Variants in LRRK1 observed in about 807,000 individuals in gnomAD.
LRRK1 encodes leucine rich repeat kinase 1, also known as leucine-rich repeat serine/threonine-protein kinase 1.
In LRRK1, 113 loss-of-function variants were observed where a neutral mutation model predicts 209.1. The ratio of observed to expected loss-of-function variants is 0.54; its 90% confidence interval spans 0.46 to 0.63. LRRK1 has a LOEUF of 0.63. Ranked by LOEUF, LRRK1 falls within the 30% of genes least tolerant of loss-of-function variation. LRRK1 has a pLI of 0.00. For missense variants in LRRK1, 2,284 were observed against 2,632.2 expected, an observed-to-expected ratio of 0.87 and a Z score of 2.89; for synonymous variants, 1,144 against 1,099.7, an observed-to-expected ratio of 1.04 and a Z score of -0.80.
intron 20 of LRRK1, among the ~76,000 whole-genome samples, chr15:101,038,229 G>T (rs902126178): frequency 2.0e-5 from 3 of 152,100 alleles, no homozygotes; most frequent in Admixed American, 1.3e-4. Flanking sequence ...GAAAGGGTGG[G>T]AGGGGATGAG....
chr15:101,068,356 G>C (rs929052052), intron 33 of LRRK1, among the ~76,000 whole-genome samples: 2 of 152,132 alleles, frequency 1.3e-5, no homozygotes, highest in Admixed American at 6.5e-5. Context: ...TTTTCTGGAC[G>C]CTTTGGGAGC....
intron 4 of LRRK1, among the ~76,000 whole-genome samples, chr15:100,985,196 G>A (rs2031804973): frequency 6.6e-6 from 1 of 152,112 alleles, no homozygotes; most frequent in Admixed American, 6.5e-5. Context: ...TAGGGCCCAT[G>A]AGAAGCATAC....
chr15:100,973,418 C>T (rs1236593514), intron 2 of LRRK1, among the ~76,000 whole-genome samples: 2 of 152,212 alleles, frequency 1.3e-5, no homozygotes, highest in Admixed American at 6.5e-5. Flanking sequence ...GTCTTTCCCC[C>T]GTGGGCACCG....
At chr15:101,054,907 G>T in intron 26 of LRRK1, 39 bp from the exon 27 acceptor site, 1 of 1,520,218 alleles carries the variant, frequency 6.6e-7, no homozygotes, top group Non-Finnish European at 8.9e-7. Flanking sequence ...TATCAAAACT[G>T]AAATTTTGAT....
Position 101,073,913 on chromosome 15 carries a change from T to C in LRRK1, c.*5065T>C, listed in dbSNP as rs2141176046. On this transcript the variant is annotated 3_prime_UTR_variant, in exon 34 of 34. Coordinates refer to ENST00000388948, the MANE Select transcript of LRRK1 (RefSeq NM_024652.6). ...CTAAATGCCTTATTTTCTTCTGCAA[T>C]GCCGCTTGACCCCAATACAAACTCA... The C allele has an allele frequency of 6.6e-6, 1 of 152,286 alleles. No homozygotes were observed. The highest frequency in any genetic ancestry group is 1.5e-5 in the Non-Finnish European group (1 of 68,020). The allele number at this position is 152,286 out of a possible 1,614,324, so 9.4% of individuals were successfully genotyped here. A position where few individuals can be genotyped will look rare whatever the true frequency, so the allele number is the denominator to read the frequency against.
intron 1 of LRRK1, among the ~76,000 whole-genome samples, chr15:100,922,007 C>A (rs1263144164): frequency 6.6e-6 from 1 of 152,170 alleles, no homozygotes; most frequent in African/African-American, 2.4e-5. Flanking sequence ...CGTGAACCAC[C>A]GCACCCATCT....
chr15:100,963,087 T>A (rs1034742345), intron 2 of LRRK1, among the ~76,000 whole-genome samples: 6 of 151,506 alleles, frequency 4.0e-5, no homozygotes, highest in Non-Finnish European at 8.8e-5. Context: ...CCTCCCAAAG[T>A]GCTGGGATTA....
chr15:101,001,191 T>G (rs565898737), intron 6 of LRRK1, among the ~76,000 whole-genome samples: 1 of 152,332 alleles, frequency 6.6e-6, no homozygotes, highest in Non-Finnish European at 1.5e-5. Flanking sequence ...TTTCCAGTTC[T>G]CTGTCACTGA....
chr15:101,025,607 T>G (rs1311514956), intron 16 of LRRK1, among the ~76,000 whole-genome samples: 1 of 152,100 alleles, frequency 6.6e-6, no homozygotes. Flanking sequence ...GCATGTCACA[T>G]AGTGAGAGAG....
chr15:101,076,477 C>T lies in LRRK1; in HGVS notation c.*7629C>T, dbSNP rs1179954451. 6.6e-6 allele frequency: 1 copy of T among 152,074 alleles called. No homozygotes were observed. Among genetic ancestry groups the T allele is most frequent in the African/African-American group, 2.4e-5 (1 of 41,326 alleles). The allele number at this position is 152,074 out of a possible 1,614,324, so 9.4% of individuals were successfully genotyped here. The stretch of plus-strand genomic sequence containing the variant: ...TCCACCTGACGTTCACCCCATTTCC[C>T]CACATTTCCTTCTTCCCTGCTTCTC... On this transcript the variant is annotated 3_prime_UTR_variant, in exon 34 of 34. Coordinates refer to ENST00000388948, the MANE Select transcript of LRRK1 (RefSeq NM_024652.6).
chr15:101,022,094 T>C lies in LRRK1; in HGVS notation c.1852+137T>C. On this transcript the variant is annotated intron_variant, in intron 14 of 33. Transcript: ENST00000388948. This position sits in a 1 kb window ranked among gnomAD's most constrained non-coding sequence, Gnocchi z 4.0. ...AGGTTCCAGATTTGACAAGATGCTA[T>C]AAAATTGTCCCTAAAGCAATCGTTA... is the stretch of plus-strand genomic sequence containing the variant. 1.5e-6 allele frequency: 1 copy of C among 668,202 alleles called. No individual in the cohort carries two copies. Among genetic ancestry groups the C allele is most frequent in the Admixed American group, 2.9e-5 (1 of 34,926 alleles). 41.4% of individuals were successfully genotyped at this position (668,202 alleles called of 1,614,324 possible).
intron 31 of LRRK1, 67 bp downstream of exon 31, chr15:101,062,757 A>AG: frequency 1.7e-6 from 2 of 1,181,804 alleles, no homozygotes; most frequent in Non-Finnish European, 1.3e-6. Flanking sequence ...GGCGTCTCCT[A>AG]GCTATGTCAG....
At chr15:100,933,841 A>G (rs1369025005) in intron 2 of LRRK1, among the ~76,000 whole-genome samples, 1 of 149,248 alleles carries the variant, frequency 6.7e-6, no homozygotes, top group Admixed American at 6.6e-5. Context: ...AAAAAAAAAA[A>G]AAAAAAAAAA....
chr15:101,026,240 G>A (rs2034027051), intron 17 of LRRK1, 103 bp downstream of exon 17: 2 of 1,235,630 alleles, frequency 1.6e-6, no homozygotes, highest in Non-Finnish European at 2.3e-6. Context: ...GGTGGGGCTA[G>A]GCCCCTTTCC....
At position 101,066,055 on chromosome 15, in the gene LRRK1, C is replaced by T; in HGVS notation, c.5618C>T (p.Thr1873Ile). The T allele has an allele frequency of 6.2e-7, 1 of 1,614,188 alleles. No individual in the cohort carries two copies. Among genetic ancestry groups the T allele is most frequent in the Non-Finnish European group, 8.5e-7 (1 of 1,180,042 alleles). ...AGTTCTTCCAGTGTGCCTTTCTCCA[C>T]CGACTGCGAGGACTCAGACATGCTA... is the stretch of plus-strand genomic sequence containing the variant. ...PASSSSVPFS[T>I]DCEDSDMLHT... Residue 1873 changes from threonine (T) to isoleucine (I), a missense_variant, in exon 32 of 34, where the codon ACC becomes ATC. By Grantham distance (89) the Thr-to-Ile change is moderately conservative. Coordinates refer to ENST00000388948, the MANE Select transcript of LRRK1 (RefSeq NM_024652.6).
intron 31 of LRRK1, among the ~76,000 whole-genome samples, chr15:101,063,723 G>A (rs968503435): frequency 2.6e-5 from 4 of 152,110 alleles, no homozygotes; most frequent in Non-Finnish European, 2.9e-5. Flanking sequence ...GGTCTAGGCC[G>A]GTGTGCTTGG....
chr15:100,964,555 C>T (rs543942083), intron 2 of LRRK1, among the ~76,000 whole-genome samples: 2 of 152,208 alleles, frequency 1.3e-5, no homozygotes, highest in Admixed American at 1.3e-4. Context: ...TCAGTAGCAT[C>T]CTGAAGTTTA....
intron 31 of LRRK1, chr15:101,064,922 C>A (rs746034882): frequency 4.4e-5 from 9 of 206,374 alleles, no homozygotes; most frequent in African/African-American, 2.1e-4. Flanking sequence ...GCTTGCCATG[C>A]CCCCACTGCT....
chr15:100,932,228 C>T (rs1233361778), intron 2 of LRRK1, among the ~76,000 whole-genome samples: 1 of 152,136 alleles, frequency 6.6e-6, no homozygotes, highest in Non-Finnish European at 1.5e-5. Flanking sequence ...TCAAGTGATC[C>T]ACTCGTCTCG....
Sources: allele counts gnomAD v4.1 joint callset (sites outside exome capture counted in the v4.1 genomes callset), GRCh38; gene constraint gnomAD v4.1.1; non-coding constraint Gnocchi (gnomAD v3.1); transcripts MANE v1.5; gene names NCBI Gene and HGNC (gene_info 2026-07-23, HGNC 2026-07-21).